The following IHH variants were observed in gnomAD, a reference collection of about 807,000 sequenced individuals.
IHH encodes the protein indian hedgehog protein.
Under a neutral mutation model 29.4 loss-of-function variants are expected in IHH, and 9 were observed. That is an observed-to-expected ratio of 0.31 (90% CI 0.18 to 0.53). The LOEUF is 0.53. Ranked by LOEUF, IHH falls within the 20% of genes least tolerant of loss-of-function variation. The pLI is 0.95. For missense variants in IHH, 454 were observed against 578.1 expected (o/e 0.79, Z 2.20); for synonymous variants, 254 against 252.7 (o/e 1.01, Z -0.05).
Position 219,055,245 on chromosome 2 carries a change from T to C in IHH, c.1198A>G (p.Ser400Gly), listed in dbSNP as rs1177452772. Residue 400 changes from serine (S) to glycine (G), a missense_variant, in exon 3 of 3, where the codon AGC becomes GGC. Physicochemically the swap from Ser to Gly is moderately conservative, Grantham distance 56 (BLOSUM62 0). This residue lies in a region of IHH where 271 missense variants were observed against 315.9 expected (regional missense o/e 0.86). Coordinates refer to ENST00000295731, the MANE Select transcript of IHH (RefSeq NM_002181.4). Reference sequence around the variant, plus strand: ...CCGGACATGCCCAGTGGGTGGAAGCTGCCCTCTTCTAGCAGGAGACGCCCC... The same window carrying C: ...CCGGACATGCCCAGTGGGTGGAAGCCGCCCTCTTCTAGCAGGAGACGCCCC... ...RLGRLLLEEG[S>G]FHPLGMSGAG... 1 of 1,601,886 alleles carries C rather than the reference T, an allele frequency of 6.2e-7. No individual in the cohort carries two copies. Among genetic ancestry groups the C allele is most frequent in the Non-Finnish European group, 8.5e-7 (1 of 1,174,932 alleles).
In IHH at chr2:219,060,386, A is replaced by T. The variant is rs759516215; in HGVS notation, c.82T>A (p.Cys28Ser). 1.2e-6 allele frequency: 2 copies of T among 1,601,624 alleles called. No homozygotes were observed. The highest frequency in any genetic ancestry group is 2.2e-5 in the South Asian group (2 of 90,878). The change falls in exon 1 of 3, where the codon TGC (cysteine) becomes AGC (serine). Residue 28 changes from cysteine (C) to serine (S), a missense_variant. Cys to Ser is a moderately radical substitution (Grantham distance 112). Around this residue, in one of 3 missense-constraint regions of IHH, gnomAD observed 113 missense variants for 122.1 expected, o/e 0.93. Transcript: ENST00000295731. This position sits in a 1 kb window ranked among gnomAD's most constrained non-coding sequence, Gnocchi z 8.8. ...CTGCCCACCACCCGACCCGGCCCGC[A>T]GCCCCATGCCGCCGGCACCACCAGC... The part of the protein sequence containing the change: ...LLLVVPAAWG[C>S]GPGRVVGSRR...
Position 219,060,186 on chromosome 2 carries a change from C to T in IHH, c.282G>A (p.Glu94=), listed in dbSNP as rs1440314869. The T allele has an allele frequency of 6.2e-7, 1 of 1,612,348 alleles. No homozygotes were observed. Among genetic ancestry groups the T allele is most frequent in the Non-Finnish European group, 8.5e-7 (1 of 1,179,226 alleles). Residue 94 remains glutamate, a synonymous_variant, in exon 1 of 3, where the codon GAG becomes GAA. Transcript: ENST00000295731. The surrounding 1 kb of genome is among the most constrained non-coding windows in gnomAD (Gnocchi z 8.8). ...NYNPDIIFKD[E]ENTGADRLMT... ...TGAGGCGGTCGGCGCCTGTGTTCTCCTCGTCCTTGAAGATGATGTCTGGAT... is the reference window on the plus strand; with the variant it reads ...TGAGGCGGTCGGCGCCTGTGTTCTCTTCGTCCTTGAAGATGATGTCTGGAT...
chr2:219,059,252 G>T lies in IHH; in HGVS notation c.315+901C>A, dbSNP rs964294734. Among the ~76,000 whole-genome samples the T allele has an allele frequency of 2.6e-5, 4 of 152,214 alleles. No homozygotes were observed. The highest frequency in any genetic ancestry group is 9.6e-5 in the African/African-American group (4 of 41,452). On this transcript the variant is annotated intron_variant, in intron 1 of 2. Transcript: ENST00000295731. This position sits in a 1 kb window ranked among gnomAD's most constrained non-coding sequence, Gnocchi z 4.7. The stretch of plus-strand genomic sequence containing the variant: ...TTCCCAACGGATCTAGAAAGCCAGG[G>T]GCCTGCTTTCAGGGGGAAGCCTCGG...
intron 2 of IHH, 55 bp from the exon 3 acceptor site, chr2:219,055,920 CACAACG>C: frequency 6.4e-7 from 1 of 1,555,126 alleles, no homozygotes. Context: ...GCCTCCTGGT[CACAACG>C]ACCCTCCCTT....
rs1412669780 is a variant in IHH, at chr2:219,059,652, T to C, written c.315+501A>G. ...TTAACCCCAGACCCAGCCGGGACGC[T>C]GCTCCTGGAAGGGGCAGCCCGTAGA... On this transcript the variant is annotated intron_variant, in intron 1 of 2. Coordinates refer to ENST00000295731, the MANE Select transcript of IHH (RefSeq NM_002181.4). The surrounding 1 kb of genome is among the most constrained non-coding windows in gnomAD (Gnocchi z 4.7). Among the ~76,000 whole-genome samples the C allele has an allele frequency of 6.6e-6, 1 of 152,198 alleles. No homozygotes were observed. Among genetic ancestry groups the C allele is most frequent in the African/African-American group, 2.4e-5 (1 of 41,462 alleles).
At chr2:219,056,535 G>A (rs1948834021) in intron 2 of IHH, among the ~76,000 whole-genome samples, 1 of 152,232 alleles carries the variant, frequency 6.6e-6, no homozygotes, top group African/African-American at 2.4e-5. Flanking sequence ...TTGCAGTGAA[G>A]GGTGGATGGG....
Position 219,057,677 on chromosome 2 carries a change from C to T in IHH, c.333G>A (p.Leu111=). ...RLMTQRCKDR[L]NSLAISVMNQ... ...TCATCACCGAGATAGCCAGCGAGTT[C>T]AGGCGGTCCTTGCAGCGCTGGGAGA... The change falls in exon 2 of 3, where the codon CTG becomes CTA. Residue 111 remains leucine (L), a synonymous_variant. Coordinates refer to ENST00000295731, the MANE Select transcript of IHH (RefSeq NM_002181.4). 6.2e-7 allele frequency: 1 copy of T among 1,608,710 alleles called. No individual in the cohort carries two copies. Among genetic ancestry groups the T allele is most frequent in the Non-Finnish European group, 8.5e-7 (1 of 1,179,988 alleles).
chr2:219,055,221 C>T lies in IHH; in HGVS notation c.1222G>A (p.Gly408Arg), dbSNP rs200216644. 120 of 1,581,850 alleles carry T rather than the reference C, an allele frequency of 7.6e-5. No individual in the cohort carries two copies. The East Asian group carries it at 2.1e-3, about 28-fold the overall frequency. The change falls in exon 3 of 3, where the codon GGG becomes AGG. Residue 408 changes from glycine (G) to arginine (R), a missense_variant. Physicochemically the swap from Gly to Arg is moderately radical, Grantham distance 125. Coordinates refer to ENST00000295731, the MANE Select transcript of IHH (RefSeq NM_002181.4). The stretch of plus-strand genomic sequence containing the variant: ...GTGGAGTCCTTTCAGCTCCCTGCCC[C>T]GGACATGCCCAGTGGGTGGAAGCTG... ...EGSFHPLGMS[G>R]AGS
intron 2 of IHH, 46 bp downstream of exon 2, chr2:219,057,387 G>A: frequency 1.3e-6 from 2 of 1,548,624 alleles, no homozygotes; most frequent in South Asian, 2.4e-5. Flanking sequence ...TCCTGCCCAT[G>A]CCCTGCGGCC....
chr2:219,055,646 G>T lies in IHH; in HGVS notation c.797C>A (p.Pro266Gln), dbSNP rs773432715. The change falls in exon 3 of 3, where the codon CCA becomes CAA. Residue 266 changes from proline to glutamine, a missense_variant. Pro to Gln is a moderately conservative substitution (Grantham distance 76). Coordinates refer to ENST00000295731, the MANE Select transcript of IHH (RefSeq NM_002181.4). ...AFQVIETQDP[P>Q]RRLALTPAHL... ...AGCGGGTGTGAGTGCCAGGCGGCGT[G>T]GGGGGTCCTGAGTCTCGATGACCTG... The T allele has an allele frequency of 1.9e-6, 3 of 1,613,996 alleles. No homozygotes were observed. The highest frequency in any genetic ancestry group is 2.2e-5 in the South Asian group (2 of 91,090).
rs778519627 is a variant in IHH, at chr2:219,056,961, C to T, written c.577+472G>A. On this transcript the variant is annotated intron_variant, in intron 2 of 2. Transcript: ENST00000295731. ...AGGGCACAGGGGGAGAGGTTGGGGA[C>T]GCCTGCGCCCCAGGGAGGGCTGACC... Among the ~76,000 whole-genome samples, 32 of 152,314 alleles carry T rather than the reference C, an allele frequency of 2.1e-4. 1 individual carries two copies. The highest frequency in any genetic ancestry group is 3.9e-4 in the East Asian group (2 of 5,184).
chr2:219,054,852 A>C lies in IHH; in HGVS notation c.*355T>G. On this transcript the variant is annotated 3_prime_UTR_variant, in exon 3 of 3. Coordinates refer to ENST00000295731, the MANE Select transcript of IHH (RefSeq NM_002181.4). Reference sequence around the variant, plus strand: ...CATCAACTGAGGCGCAAGCCCACCCAAAGGGGCCTAAGATGGATGGAATGG... The same window carrying C: ...CATCAACTGAGGCGCAAGCCCACCCCAAGGGGCCTAAGATGGATGGAATGG... 3.7e-6 allele frequency: 1 copy of C among 271,794 alleles called. No homozygotes were observed. 16.8% of individuals were successfully genotyped at this position (271,794 alleles called of 1,614,324 possible).
Position 219,055,688 on chromosome 2 carries a change from T to C in IHH, c.755A>G (p.His252Arg), listed in dbSNP as rs76479554. ...DVLIFLDREP[H>R]RLRAFQVIET... Reference sequence around the variant, plus strand: ...GATGACCTGGAAGGCTCTCAGCCTGTGAGGCTCGCGGTCCAGGAAAATGAG... The same window carrying C: ...GATGACCTGGAAGGCTCTCAGCCTGCGAGGCTCGCGGTCCAGGAAAATGAG... Residue 252 changes from histidine to arginine, a missense_variant, in exon 3 of 3, where the codon CAC (histidine) becomes CGC (arginine). Physicochemically the swap from His to Arg is conservative, Grantham distance 29 (BLOSUM62 0). Coordinates refer to ENST00000295731, the MANE Select transcript of IHH (RefSeq NM_002181.4). 3.6e-3 allele frequency: 5,739 copies of C among 1,613,800 alleles called. 203 individuals are homozygous for C. The African/African-American group carries it at 0.066, about 19-fold the overall frequency.
intron 2 of IHH, 85 bp from the exon 3 acceptor site, chr2:219,055,950 A>G: frequency 7.0e-7 from 1 of 1,434,082 alleles, no homozygotes; most frequent in Non-Finnish European, 9.5e-7. Context: ...CACCCCAGCC[A>G]GCCAGAGCTC....
chr2:219,055,479 T>C lies in IHH; in HGVS notation c.964A>G (p.Thr322Ala), dbSNP rs746441526. ...GCGTAGGCCCCGAGGGCCACGTGTG[T>C]AGAGACAGCTGCCACGCGGGCAGGC... ...LQPARVAAVS[T>A]HVALGAYAPL... Residue 322 changes from threonine to alanine, a missense_variant, in exon 3 of 3, where the codon ACA (threonine) becomes GCA (alanine). Transcript: ENST00000295731. 7 of 1,610,170 alleles carry C rather than the reference T, an allele frequency of 4.3e-6. No homozygotes were observed. The South Asian group carries it at 6.6e-5, about 15-fold the overall frequency.
In IHH at chr2:219,054,888, A is replaced by G. The variant is rs572438058; in HGVS notation, c.*319T>C. 3.2e-5 allele frequency: 12 copies of G among 369,942 alleles called. No individual in the cohort carries two copies. The highest frequency in any genetic ancestry group is 8.8e-5 in the Admixed American group (2 of 22,736). 22.9% of individuals were successfully genotyped at this position (369,942 alleles called of 1,614,324 possible). ...AGATGGATGGAATGGGCCCTCCCCA[A>G]TGGGGGAGGCAGAGTATGAAAACTC... is the stretch of plus-strand genomic sequence containing the variant. On this transcript the variant is annotated 3_prime_UTR_variant, in exon 3 of 3. Coordinates refer to ENST00000295731, the MANE Select transcript of IHH (RefSeq NM_002181.4).
Position 219,059,796 on chromosome 2 carries a change from G to A in IHH, c.315+357C>T, listed in dbSNP as rs1021484527. ...GCACAGCTGTGCAGAAGGTTAGGCC[G>A]GGAGGGACTGCGTGGGTCCTGGAGG... On this transcript the variant is annotated intron_variant, in intron 1 of 2. Coordinates refer to ENST00000295731, the MANE Select transcript of IHH (RefSeq NM_002181.4). This position sits in a 1 kb window ranked among gnomAD's most constrained non-coding sequence, Gnocchi z 4.7. 1.3e-5 allele frequency among the ~76,000 whole-genome samples: 2 copies of A among 152,226 alleles called. No homozygotes were observed. The highest frequency in any genetic ancestry group is 4.8e-5 in the African/African-American group (2 of 41,466).
chr2:219,056,627 T>C (rs1238888332), intron 2 of IHH, among the ~76,000 whole-genome samples: 1 of 152,078 alleles, frequency 6.6e-6, no homozygotes. Context: ...GGGTCAGGAA[T>C]ATCAAAATGT....
chr2:219,056,024 C>T (rs1306840387), intron 2 of IHH, among the ~76,000 whole-genome samples, 159 bp from the exon 3 acceptor site: 3 of 151,444 alleles, frequency 2.0e-5, no homozygotes, highest in Non-Finnish European at 4.4e-5. Flanking sequence ...CCTATGCAGG[C>T]TTGAACCCAT....
Sources: gnomAD v4.1 joint callset for allele counts (sites outside exome capture counted in the v4.1 genomes callset) on GRCh38, gnomAD v4.1.1 for gene constraint, gnomAD v4.1.1 regional missense constraint, Gnocchi (gnomAD v3.1) non-coding constraint, MANE v1.5 for transcripts, NCBI Gene and HGNC (gene_info 2026-07-23, HGNC 2026-07-21) for gene names.